The following NFIB variants were observed in gnomAD, a reference collection of about 807,000 sequenced individuals.
NFIB encodes the protein nuclear factor 1 B-type.
NFIB carries 11 observed loss-of-function variants against 61.5 expected under a neutral mutation model. That is an observed-to-expected ratio of 0.18 (90% CI 0.11 to 0.30). The LOEUF is 0.30. NFIB is among the 10% of genes least tolerant of loss of function. The pLI, the probability that NFIB is intolerant of heterozygous loss-of-function variation, is 1.00. For missense variants in NFIB, 471 were observed against 608.9 expected, an observed-to-expected ratio of 0.77 and a Z score of 2.38; for synonymous variants, 260 against 216.5, an observed-to-expected ratio of 1.20 and a Z score of -1.76.
At chr9:14,427,149 T>C in the NFIB span, among the ~76,000 whole-genome samples, 1 of 152,202 alleles carries the variant, frequency 6.6e-6, no homozygotes, top group East Asian at 1.9e-4. Flanking sequence ...GGATTGCAAG[T>C]GCCGATTGAC....
chr9:14,478,073 C>T, the NFIB span, among the ~76,000 whole-genome samples: 1 of 152,122 alleles, frequency 6.6e-6, no homozygotes, highest in African/African-American at 2.4e-5. Context: ...TCTCTGGCTG[C>T]TGTCTCTGTT....
chr9:14,359,126 G>T (rs559536029), intron 1 of NFIB, among the ~76,000 whole-genome samples: 1 of 152,320 alleles, frequency 6.6e-6, no homozygotes, highest in South Asian at 2.1e-4. Flanking sequence ...TACAAGATCA[G>T]GGTATACCCT....
At chr9:14,127,147 C>G (rs1264948572) in intron 6 of NFIB, among the ~76,000 whole-genome samples, 1 of 152,086 alleles carries the variant, frequency 6.6e-6, no homozygotes, top group East Asian at 1.9e-4. Flanking sequence ...ACAGGGTTCA[C>G]CCAATTAAAT....
At chr9:14,332,888 G>A (rs1271793949) in intron 1 of NFIB, among the ~76,000 whole-genome samples, 1 of 152,242 alleles carries the variant, frequency 6.6e-6, no homozygotes, top group Admixed American at 6.5e-5. Flanking sequence ...GAGCTTGCCA[G>A]TCTGTTCAAT....
the NFIB span, among the ~76,000 whole-genome samples, chr9:14,512,622 A>T: frequency 1.3e-5 from 2 of 152,174 alleles, no homozygotes; most frequent in Non-Finnish European, 2.9e-5. Context: ...CCAATTTATT[A>T]TCATGCTTTT....
At chr9:14,518,831 A>G in the NFIB span, among the ~76,000 whole-genome samples, 2 of 152,038 alleles carry the variant, frequency 1.3e-5, no homozygotes, top group South Asian at 2.1e-4. Flanking sequence ...ACCTCAGGCC[A>G]TATTTCCAAT....
intron 6 of NFIB, among the ~76,000 whole-genome samples, chr9:14,138,326 A>G (rs10810094): frequency 0.011 from 1,709 of 152,226 alleles, 19 homozygotes; most frequent in Non-Finnish European, 0.016. Context: ...TTAAATTTAC[A>G]TGCTTTCTTC....
At chr9:14,122,176 G>A (rs1269412253) in intron 7 of NFIB, among the ~76,000 whole-genome samples, 1 of 149,228 alleles carries the variant, frequency 6.7e-6, no homozygotes, top group Non-Finnish European at 1.5e-5. Flanking sequence ...TTGAAACTAT[G>A]TGGGTGGGGG....
At chr9:14,438,301 C>T in the NFIB span, among the ~76,000 whole-genome samples, 1 of 152,186 alleles carries the variant, frequency 6.6e-6, no homozygotes, top group Non-Finnish European at 1.5e-5. Context: ...AAATACATCA[C>T]CATCAGAAAG....
chr9:14,353,210 G>C (rs1426351118), intron 1 of NFIB, among the ~76,000 whole-genome samples: 1 of 152,132 alleles, frequency 6.6e-6, no homozygotes, highest in Non-Finnish European at 1.5e-5. Flanking sequence ...TGAGGGATAG[G>C]TCCAGGCCGC....
At chr9:14,417,774 G>GT in the NFIB span, among the ~76,000 whole-genome samples, 42,400 of 91,838 alleles carry the variant, frequency 0.46, 10,934 homozygotes, top group Admixed American at 0.57. Context: ...CCTAGGAACA[G>GT]TTTTTTTTTT....
the NFIB span, among the ~76,000 whole-genome samples, chr9:14,521,348 CT>C: frequency 6.6e-6 from 1 of 152,102 alleles, no homozygotes; most frequent in Non-Finnish European, 1.5e-5. Context: ...TTGTAATGTT[CT>C]GTTCAGAAGT....
intron 1 of NFIB, among the ~76,000 whole-genome samples, chr9:14,369,750 T>C (rs1463921303): frequency 1.3e-5 from 2 of 152,202 alleles, no homozygotes; most frequent in African/African-American, 4.8e-5. Flanking sequence ...AATCTAGCTT[T>C]TCCTTTTCAT....
chr9:14,398,497 G>C, intron 1 of NFIB: 1 of 1,495,542 alleles, frequency 6.7e-7, no homozygotes, highest in Non-Finnish European at 9.0e-7. Flanking sequence ...AAGAAAAACT[G>C]GTTAAATTTG....
chr9:14,498,899 G>C, the NFIB span, among the ~76,000 whole-genome samples: 1 of 151,516 alleles, frequency 6.6e-6, no homozygotes, highest in South Asian at 2.1e-4. Context: ...GTAAGGCTCT[G>C]TGCTGAGCAC....
At chr9:14,523,482 G>A in the NFIB span, among the ~76,000 whole-genome samples, 2 of 151,958 alleles carry the variant, frequency 1.3e-5, no homozygotes, top group Admixed American at 6.6e-5. Flanking sequence ...CCCAAACACT[G>A]AATGTTAAAA....
At chr9:14,476,016 C>T in the NFIB span, among the ~76,000 whole-genome samples, 1 of 152,122 alleles carries the variant, frequency 6.6e-6, no homozygotes, top group Non-Finnish European at 1.5e-5. Context: ...CAAATCCAAA[C>T]TCAGAAAATA....
chr9:14,465,572 T>TACACACACACAC, the NFIB span, among the ~76,000 whole-genome samples: 431 of 146,302 alleles, frequency 2.9e-3, 2 homozygotes, highest in African/African-American at 9.8e-3. Context: ...AATGACTTGT[T>TACACACACACAC]ACACACACAC....
chr9:14,225,945 G>A (rs953855292), intron 2 of NFIB, among the ~76,000 whole-genome samples: 2 of 152,048 alleles, frequency 1.3e-5, no homozygotes, highest in Admixed American at 1.3e-4. Flanking sequence ...AAAATTCATT[G>A]AAATATGATT....
Sources: gnomAD v4.1 joint callset for allele counts (sites outside exome capture counted in the v4.1 genomes callset) on GRCh38, gnomAD v4.1.1 for gene constraint, MANE v1.5 for transcripts, NCBI Gene and HGNC (gene_info 2026-07-23, HGNC 2026-07-21) for gene names.